The following TRIO variants were observed in gnomAD, a reference collection of about 807,000 sequenced individuals.
TRIO encodes triple functional domain protein.
Under a neutral mutation model 351.9 loss-of-function variants are expected in TRIO, and 58 were observed. The ratio of observed to expected loss-of-function variants is 0.16; its 90% CI spans 0.13 to 0.21. TRIO has a LOEUF of 0.21. Among genes scored for constraint, TRIO ranks in the 10% least tolerant of loss-of-function variants. The probability of loss-of-function intolerance (pLI) is 1.00; values close to 1 mark genes in which losing one functional copy is unlikely to be tolerated. For missense variants in TRIO, 3,201 were observed against 4,027.8 expected (o/e 0.79, Z 5.56); for synonymous variants, 1,758 against 1,595.7 (o/e 1.10, Z -2.42).
chr5:14,380,630 G>C (rs1247627972), intron 20 of TRIO, among the ~76,000 whole-genome samples: 1 of 152,014 alleles, frequency 6.6e-6, no homozygotes, highest in South Asian at 2.1e-4. Flanking sequence ...TTTTTTGTGG[G>C]AGTGTAAATT....
Position 14,364,692 on chromosome 5 carries a change from G to T in TRIO, c.2630G>T (p.Arg877Leu). The change falls in exon 15 of 57, where the codon CGG (arginine) becomes CTG (leucine). Residue 877 changes from arginine to leucine, a missense_variant. Physicochemically the swap from Arg to Leu is moderately radical, Grantham distance 102 (BLOSUM62 -2). Around this residue, in one of 19 missense-constraint regions of TRIO, gnomAD observed 363 missense variants for 553.5 expected, o/e 0.66. Coordinates refer to ENST00000344204, the MANE Select transcript of TRIO (RefSeq NM_007118.4). ...GATAGAGATGTAGACATGGCAACTC[G>T]GGTCCAGGACCTGCTGGAGTTTCTT... ...LCDRDVDMAT[R>L]VQDLLEFLHE... is the part of the protein sequence containing the mutation. 4 of 1,613,896 alleles carry T rather than the reference G, an allele frequency of 2.5e-6. No individual in the cohort carries two copies. The highest frequency in any genetic ancestry group is 2.2e-5 in the East Asian group (1 of 44,886).
At chr5:14,350,780 C>T (rs1054745724) in intron 11 of TRIO, among the ~76,000 whole-genome samples, 1 of 152,126 alleles carries the variant, frequency 6.6e-6, no homozygotes, top group Non-Finnish European at 1.5e-5. Flanking sequence ...CCCCATACAT[C>T]CTTCATAAAT....
intron 1 of TRIO, among the ~76,000 whole-genome samples, chr5:14,213,219 C>A (rs1581366090): frequency 6.6e-6 from 1 of 151,920 alleles, no homozygotes; most frequent in Admixed American, 6.6e-5. Flanking sequence ...TCCTGCTTCT[C>A]CTCCCTCCTC....
intron 5 of TRIO, among the ~76,000 whole-genome samples, chr5:14,291,536 C>T (rs1377510559): frequency 6.6e-6 from 1 of 151,818 alleles, no homozygotes; most frequent in Admixed American, 6.6e-5. Context: ...CGCCTGTAAT[C>T]CCAGCCCTTT....
chr5:14,505,229 C>T (rs1212284139), intron 55 of TRIO, among the ~76,000 whole-genome samples: 4 of 152,232 alleles, frequency 2.6e-5, no homozygotes, highest in East Asian at 1.9e-4. Context: ...GGTGGGTTCT[C>T]GTGGAAATGT....
In TRIO at chr5:14,487,483, G is replaced by A. The variant is rs767000143; in HGVS notation, c.6855G>A (p.Glu2285=). The change falls in exon 48 of 57, where the codon GAG becomes GAA. Residue 2285 remains glutamate, a synonymous_variant. Coordinates refer to ENST00000344204, the MANE Select transcript of TRIO (RefSeq NM_007118.4). ...TTACAGCCTTGACATCGCCAATCGAGTACCAGAGGAACCACAGCGGGGGCG... is the reference window on the plus strand; with the variant it reads ...TTACAGCCTTGACATCGCCAATCGAATACCAGAGGAACCACAGCGGGGGCG... The part of the protein sequence containing the change: ...NFLNALTSPI[E]YQRNHSGGGG... The A allele has an allele frequency of 2.7e-6, 3 of 1,091,692 alleles. No homozygotes were observed. The Admixed American group carries it at 1.2e-4, about 42-fold the overall frequency. The allele number at this position is 1,091,692 out of a possible 1,614,324, so 67.6% of individuals were successfully genotyped here.
chr5:14,236,188 C>G (rs981250041), intron 1 of TRIO, among the ~76,000 whole-genome samples: 2 of 152,106 alleles, frequency 1.3e-5, no homozygotes, highest in African/African-American at 4.8e-5. Context: ...ACCCCACCCC[C>G]AGAACATCAG....
At chr5:14,306,640 A>C (rs1738399170) in intron 8 of TRIO, among the ~76,000 whole-genome samples, 1 of 152,240 alleles carries the variant, frequency 6.6e-6, no homozygotes, top group Non-Finnish European at 1.5e-5. Context: ...TGCCAAACCA[A>C]GATGGGCTTG....
intron 31 of TRIO, among the ~76,000 whole-genome samples, chr5:14,405,281 A>T (rs1748603537): frequency 6.6e-6 from 1 of 152,106 alleles, no homozygotes. Flanking sequence ...TCCACACCTC[A>T]GTTGCTCATT....
intron 1 of TRIO, among the ~76,000 whole-genome samples, chr5:14,219,315 G>T (rs1200946831): frequency 6.6e-6 from 1 of 152,052 alleles, no homozygotes; most frequent in East Asian, 1.9e-4. Flanking sequence ...TGGAGTAGGA[G>T]AACTCCATTT....
intron 2 of TRIO, among the ~76,000 whole-genome samples, chr5:14,275,084 CTT>C (rs1222713694): frequency 6.6e-6 from 1 of 152,086 alleles, no homozygotes; most frequent in Non-Finnish European, 1.5e-5. Context: ...GATATCGTGA[CTT>C]TATATTAAAA....
chr5:14,492,693 A>C lies in TRIO; in HGVS notation c.7759A>C (p.Asn2587His). ...TCAAATTCTGGCCAGCAACCAGCAG[A>C]ACATGTTTCTGGTGTTCCGAGCCGC... ...VVQILASNQQNMFLVFRAATD... is the reference protein window; with the variant it reads ...VVQILASNQQHMFLVFRAATD... The change falls in exon 49 of 57, where the codon AAC becomes CAC. Residue 2587 changes from asparagine (N) to histidine (H), a missense_variant. Around this residue, in one of 19 missense-constraint regions of TRIO, gnomAD observed 1,089 missense variants for 954.9 expected, o/e 1.14. Transcript: ENST00000344204. The C allele has an allele frequency of 6.2e-7, 1 of 1,614,136 alleles. No homozygotes were observed. The highest frequency in any genetic ancestry group is 8.5e-7 in the Non-Finnish European group (1 of 1,180,010).
intron 1 of TRIO, among the ~76,000 whole-genome samples, chr5:14,162,522 C>G (rs931656773): frequency 1.3e-5 from 2 of 152,164 alleles, no homozygotes; most frequent in Admixed American, 1.3e-4. Flanking sequence ...ATTAGATATG[C>G]CACATACACA....
At chr5:14,346,699 G>C (rs530309266) in intron 11 of TRIO, among the ~76,000 whole-genome samples, 1 of 152,356 alleles carries the variant, frequency 6.6e-6, no homozygotes, top group African/African-American at 2.4e-5. Flanking sequence ...AGGACATGTG[G>C]TGGAATTAGT....
At chr5:14,329,333 G>A (rs114985066) in intron 9 of TRIO, among the ~76,000 whole-genome samples, 1 of 152,364 alleles carries the variant, frequency 6.6e-6, no homozygotes, top group East Asian at 1.9e-4. Context: ...ATATACTCCA[G>A]AAGAGGTGGG....
intron 13 of TRIO, 45 bp from the exon 14 acceptor site, chr5:14,363,687 T>A: frequency 6.4e-7 from 1 of 1,574,666 alleles, no homozygotes; most frequent in East Asian, 2.2e-5. Context: ...GAGAGGTGGC[T>A]GCATGTATAT....
rs1218987215 is a variant in TRIO, at chr5:14,488,186, G to A, written c.7558G>A (p.Gly2520Ser). ...GCAGACACCCCGCCACGCGGCCCCTGGCAAGGATACTGACCGCATGAGCAC... is the reference window on the plus strand; with the variant it reads ...GCAGACACCCCGCCACGCGGCCCCTAGCAAGGATACTGACCGCATGAGCAC... Reference protein sequence around the residue: ...QRQTPRHAAPGKDTDRMSTCS... With the variant: ...QRQTPRHAAPSKDTDRMSTCS... Residue 2520 changes from glycine (G) to serine (S), a missense_variant, in exon 48 of 57, where the codon GGC (glycine) becomes AGC (serine). Around this residue, in one of 19 missense-constraint regions of TRIO, gnomAD observed 1,089 missense variants for 954.9 expected, o/e 1.14. Coordinates refer to ENST00000344204, the MANE Select transcript of TRIO (RefSeq NM_007118.4). 6.3e-7 allele frequency: 1 copy of A among 1,599,924 alleles called. No homozygotes were observed. The highest frequency in any genetic ancestry group is 1.7e-5 in the Admixed American group (1 of 59,774).
chr5:14,488,373 C>T (rs1031216982), intron 48 of TRIO, 113 bp downstream of exon 48: 5 of 1,430,182 alleles, frequency 3.5e-6, no homozygotes, highest in Admixed American at 4.8e-5. Context: ...CTCCGCCGCC[C>T]GTTGCGGCCT....
At chr5:14,199,325 A>G (rs1447931287) in intron 1 of TRIO, among the ~76,000 whole-genome samples, 2 of 152,172 alleles carry the variant, frequency 1.3e-5, no homozygotes, top group Admixed American at 6.5e-5. Flanking sequence ...GCTTAAAAAA[A>G]TTCAGGACCA....
Sources: gnomAD v4.1 joint callset for allele counts (sites outside exome capture counted in the v4.1 genomes callset) on GRCh38, gnomAD v4.1.1 for gene constraint, gnomAD v4.1.1 regional missense constraint, MANE v1.5 for transcripts, NCBI Gene and HGNC (gene_info 2026-07-23, HGNC 2026-07-21) for gene names.